Variants in FRMD6 observed in about 807,000 individuals in gnomAD.
The protein encoded by FRMD6 is FERM domain-containing protein 6.
Under a neutral mutation model 73.2 loss-of-function variants are expected in FRMD6, and 37 were observed. That is an observed-to-expected ratio of 0.51 (90% CI 0.39 to 0.66). The LOEUF (loss-of-function observed/expected upper bound fraction) is 0.66. Among genes scored for constraint, FRMD6 ranks in the 30% least tolerant of loss-of-function variants. The pLI, the probability that FRMD6 is intolerant of heterozygous loss-of-function variation, is 0.00. For missense variants in FRMD6, 714 were observed against 780.5 expected (o/e 0.91, Z 1.02); for synonymous variants, 273 against 282.2 (o/e 0.97, Z 0.33).
At chr14:51,608,774 C>G (rs1037200186) in intron 2 of FRMD6, among the ~76,000 whole-genome samples, 35 of 152,144 alleles carry the variant, frequency 2.3e-4, no homozygotes, top group African/African-American at 7.7e-4. Flanking sequence ...TTCATTCTTT[C>G]AATACACATG....
At chr14:51,645,926 A>C (rs1253136414) in intron 2 of FRMD6, among the ~76,000 whole-genome samples, 1 of 152,218 alleles carries the variant, frequency 6.6e-6, no homozygotes, top group Non-Finnish European at 1.5e-5. Context: ...CAAGAAAGCC[A>C]GCATTGGCCA....
the FRMD6 span, among the ~76,000 whole-genome samples, chr14:51,476,311 C>G: frequency 6.6e-6 from 1 of 152,122 alleles, no homozygotes; most frequent in Non-Finnish European, 1.5e-5. Context: ...CTTTTATGTG[C>G]TGCTGTCTAA....
intron 2 of FRMD6, among the ~76,000 whole-genome samples, chr14:51,570,968 T>A (rs1323359174): frequency 6.6e-6 from 1 of 152,240 alleles, no homozygotes; most frequent in African/African-American, 2.4e-5. Flanking sequence ...TGTCAACTAA[T>A]GAAATGATTT....
chr14:51,571,407 G>T (rs543993233), intron 2 of FRMD6, among the ~76,000 whole-genome samples: 1 of 152,266 alleles, frequency 6.6e-6, no homozygotes, highest in South Asian at 2.1e-4. Flanking sequence ...CTGTCCTCTT[G>T]TAGTGTTTAG....
intron 2 of FRMD6, among the ~76,000 whole-genome samples, chr14:51,636,188 A>G (rs933601668): frequency 1.3e-5 from 2 of 152,198 alleles, no homozygotes; most frequent in African/African-American, 4.8e-5. Context: ...GGGTTTATAT[A>G]GGGAAAGGGT....
intron 1 of FRMD6, among the ~76,000 whole-genome samples, chr14:51,654,402 C>T (rs1366585604): frequency 2.0e-5 from 3 of 151,674 alleles, no homozygotes; most frequent in Non-Finnish European, 4.4e-5. Flanking sequence ...TAATAGACTG[C>T]GTAGCCTTTT....
At chr14:51,682,879 G>A (rs1894898888) in intron 1 of FRMD6, among the ~76,000 whole-genome samples, 1 of 152,158 alleles carries the variant, frequency 6.6e-6, no homozygotes. Context: ...TTGGCCAGCT[G>A]TGAGTTACAT....
At chr14:51,659,163 G>T (rs1404303140) in intron 1 of FRMD6, among the ~76,000 whole-genome samples, 1 of 152,156 alleles carries the variant, frequency 6.6e-6, no homozygotes, top group Non-Finnish European at 1.5e-5. Context: ...TCTCCCATGT[G>T]TAACCTTGGG....
At chr14:51,652,565 G>A (rs1892499729) in intron 1 of FRMD6, among the ~76,000 whole-genome samples, 1 of 152,254 alleles carries the variant, frequency 6.6e-6, no homozygotes. Context: ...CCGGCTGCGG[G>A]AAGGGACCCG....
At chr14:51,435,194 A>G in the FRMD6 span, among the ~76,000 whole-genome samples, 1 of 152,214 alleles carries the variant, frequency 6.6e-6, no homozygotes, top group South Asian at 2.1e-4. Context: ...TACTAAGACT[A>G]TATAAGATGT....
chr14:51,469,868 A>T, the FRMD6 span, among the ~76,000 whole-genome samples: 45 of 152,120 alleles, frequency 3.0e-4, no homozygotes, highest in South Asian at 1.0e-3. Flanking sequence ...TGTTTGATTC[A>T]CCTTTCTATG....
chr14:51,596,708 C>G (rs544781347), intron 2 of FRMD6, among the ~76,000 whole-genome samples: 1 of 152,236 alleles, frequency 6.6e-6, no homozygotes, highest in East Asian at 1.9e-4. Context: ...GCAATGTGGA[C>G]ACATTGGTGG....
chr14:51,490,431 A>G (rs1156923469), intron 1 of FRMD6, among the ~76,000 whole-genome samples: 1 of 152,120 alleles, frequency 6.6e-6, no homozygotes, highest in East Asian at 1.9e-4. Context: ...GAGAGAGGAG[A>G]AACTCTCATA....
intron 1 of FRMD6, among the ~76,000 whole-genome samples, chr14:51,528,319 T>C (rs955637483): frequency 6.6e-6 from 1 of 152,148 alleles, no homozygotes; most frequent in Non-Finnish European, 1.5e-5. Context: ...TCAGTAATAC[T>C]ACAATGTGAA....
At chr14:51,566,038 G>A (rs1008956976) in intron 1 of FRMD6, among the ~76,000 whole-genome samples, 5 of 152,082 alleles carry the variant, frequency 3.3e-5, no homozygotes, top group Admixed American at 2.0e-4. Context: ...GGTGGCGGGC[G>A]CCTGTAGTCC....
At chr14:51,676,097 G>A (rs959022260) in intron 1 of FRMD6, among the ~76,000 whole-genome samples, 3 of 151,774 alleles carry the variant, frequency 2.0e-5, no homozygotes, top group African/African-American at 7.3e-5. Context: ...TTTACCCATG[G>A]GAGTTTTGGA....
intron 1 of FRMD6, among the ~76,000 whole-genome samples, chr14:51,550,572 G>T (rs1886755540): frequency 1.1e-5 from 1 of 95,028 alleles, no homozygotes. Flanking sequence ...AGGGCAGCTT[G>T]GGAGGAGACC....
At chr14:51,504,163 C>A (rs776116515) in intron 1 of FRMD6, among the ~76,000 whole-genome samples, 2 of 152,082 alleles carry the variant, frequency 1.3e-5, no homozygotes, top group Non-Finnish European at 2.9e-5. Context: ...TTTCTTTTAA[C>A]AGTCAGGCTA....
chr14:51,721,908 C>T (rs1423031516), intron 11 of FRMD6, 41 bp from the exon 12 acceptor site: 2 of 1,609,712 alleles, frequency 1.2e-6, no homozygotes, highest in African/African-American at 1.3e-5. Context: ...ATGGTCATTT[C>T]CCTTTTTGTC....
Sources: gnomAD v4.1 joint callset for allele counts (sites outside exome capture counted in the v4.1 genomes callset) on GRCh38, gnomAD v4.1.1 for gene constraint, MANE v1.5 for transcripts, NCBI Gene and HGNC (gene_info 2026-07-23, HGNC 2026-07-21) for gene names.